The following INPP5A variants were observed in gnomAD, a reference collection of about 807,000 sequenced individuals.
INPP5A encodes 43 kDa inositol polyphosphate 5-phophatase.
In INPP5A, 14 loss-of-function variants were observed where a neutral mutation model predicts 65.2. The observed-to-expected ratio is 0.21, with a 90% CI of 0.14 to 0.34. INPP5A has a LOEUF of 0.34. INPP5A is among the 10% of genes least tolerant of loss of function. The probability of loss-of-function intolerance (pLI) is 1.00; values close to 1 mark genes in which losing one functional copy is unlikely to be tolerated. For synonymous variants in INPP5A, 207 were observed against 208.3 expected (o/e 0.99, Z 0.05); for missense variants, 431 against 545.6 (o/e 0.79, Z 2.09).
rs10781584 is a variant in INPP5A, at chr10:132,676,985, G to A, written c.307-13407G>A. 0.14 allele frequency among the ~76,000 whole-genome samples: 6,555 copies of A among 46,770 alleles called. 431 individuals are homozygous for A. The highest frequency in any genetic ancestry group is 0.18 in the African/African-American group (2,208 of 12,140). The allele number at this position is 46,770 out of a possible 152,430, so 30.7% of individuals were successfully genotyped here. On this transcript the variant is annotated intron_variant, in intron 4 of 15. Transcript: ENST00000368594. The surrounding 1 kb of genome is among the most constrained non-coding windows in gnomAD (Gnocchi z 4.0). ...AGGTATTCACATGGTGACCCCCACC[G>A]TCACCCAGGCACCTGTCCTGAACTG...
chr10:132,764,428 C>T (rs1349737702), intron 11 of INPP5A, among the ~76,000 whole-genome samples: 3 of 150,812 alleles, frequency 2.0e-5, no homozygotes, highest in Non-Finnish European at 4.4e-5. Flanking sequence ...TCGGGTCAGT[C>T]CTGCTGCGGT....
At chr10:132,750,001 C>T (rs1377547355) in intron 11 of INPP5A, among the ~76,000 whole-genome samples, 156 bp downstream of exon 11, 2 of 152,200 alleles carry the variant, frequency 1.3e-5, no homozygotes, top group Non-Finnish European at 2.9e-5. Flanking sequence ...GCTGGGGACA[C>T]ATATTGGGTG....
chr10:132,697,259 G>A lies in INPP5A; in HGVS notation c.371-557G>A, dbSNP rs1032401412. ...GCCTGGTTGTGAACAATAGTGAGACGGGCCCTGCCCATGGCGAGGCCTGTG... is the reference window on the plus strand; with the variant it reads ...GCCTGGTTGTGAACAATAGTGAGACAGGCCCTGCCCATGGCGAGGCCTGTG... On this transcript the variant is annotated intron_variant, in intron 5 of 15. Coordinates refer to ENST00000368594, the MANE Select transcript of INPP5A (RefSeq NM_005539.5). The surrounding 1 kb of genome is among the most constrained non-coding windows in gnomAD (Gnocchi z 5.6). Among the ~76,000 whole-genome samples, 2 of 152,248 alleles carry A rather than the reference G, an allele frequency of 1.3e-5. No individual in the cohort carries two copies. Among genetic ancestry groups the A allele is most frequent in the South Asian group, 2.1e-4 (1 of 4,834 alleles).
Position 132,698,238 on chromosome 10 carries a change from G to A in INPP5A, c.474+319G>A, listed in dbSNP as rs61862807. Reference sequence around the variant, plus strand: ...GGCGTGCACCTGGGGTCTCCCGCACGCCCAGCTGGGAGAGGGTCAGGCTGA... The same window carrying A: ...GGCGTGCACCTGGGGTCTCCCGCACACCCAGCTGGGAGAGGGTCAGGCTGA... On this transcript the variant is annotated intron_variant, in intron 6 of 15. Transcript: ENST00000368594. The surrounding 1 kb of genome is among the most constrained non-coding windows in gnomAD (Gnocchi z 5.5). Among the ~76,000 whole-genome samples, 11,088 of 152,310 alleles carry A rather than the reference G, an allele frequency of 0.073. 541 individuals carry two copies. Among genetic ancestry groups the A allele is most frequent in the Non-Finnish European group, 0.11 (7,637 of 68,020 alleles).
intron 11 of INPP5A, among the ~76,000 whole-genome samples, chr10:132,757,539 T>C (rs1846647264): frequency 6.6e-6 from 1 of 152,248 alleles, no homozygotes; most frequent in Admixed American, 6.5e-5. Flanking sequence ...CGCGCTGTGA[T>C]GTCCCACAGC....
chr10:132,712,488 CTATT>C (rs763113295), intron 8 of INPP5A, among the ~76,000 whole-genome samples: 7 of 142,640 alleles, frequency 4.9e-5, no homozygotes, highest in Non-Finnish European at 7.6e-5. Flanking sequence ...GGGTACATGT[CTATT>C]TGGGTGTGTG....
intron 6 of INPP5A, among the ~76,000 whole-genome samples, chr10:132,700,330 CG>C (rs1189376089): frequency 6.6e-6 from 1 of 152,160 alleles, no homozygotes; most frequent in Non-Finnish European, 1.5e-5. Context: ...GTGGCTGGGA[CG>C]GGGGGCCAGC....
intron 5 of INPP5A, among the ~76,000 whole-genome samples, chr10:132,692,910 C>T (rs74894745): frequency 0.015 from 2,247 of 152,220 alleles, 33 homozygotes; most frequent in South Asian, 0.038. Context: ...ATTTTTCTTA[C>T]CCTTAATTGG....
intron 2 of INPP5A, among the ~76,000 whole-genome samples, chr10:132,609,527 T>C (rs1042778584): frequency 6.6e-6 from 1 of 152,234 alleles, no homozygotes; most frequent in Non-Finnish European, 1.5e-5. Context: ...ACTGAATGTT[T>C]AGGTGTGTGT....
chr10:132,730,963 A>C (rs1846073912), intron 9 of INPP5A, among the ~76,000 whole-genome samples: 1 of 152,196 alleles, frequency 6.6e-6, no homozygotes, highest in South Asian at 2.1e-4. Context: ...GGTGACTTTC[A>C]ACCAGTGCAG....
At chr10:132,560,095 G>C (rs1222401341) in intron 1 of INPP5A, among the ~76,000 whole-genome samples, 1 of 148,084 alleles carries the variant, frequency 6.8e-6, no homozygotes, top group Non-Finnish European at 1.5e-5. Context: ...GCTGGGTCAC[G>C]ATGTGTCTTC....
In INPP5A at chr10:132,635,112, G is replaced by A. The variant is rs556057672; in HGVS notation, c.118-10756G>A. On this transcript the variant is annotated intron_variant, in intron 2 of 15. Transcript: ENST00000368594. Reference sequence around the variant, plus strand: ...ATGGCGCATATTTGAAATGTGATTCGTGCTGTCAAAGAACTCAGTTTTTAA... The same window carrying A: ...ATGGCGCATATTTGAAATGTGATTCATGCTGTCAAAGAACTCAGTTTTTAA... Among the ~76,000 whole-genome samples, 16 of 152,286 alleles carry A rather than the reference G, an allele frequency of 1.1e-4. 1 individual carries two copies. The highest frequency in any genetic ancestry group is 3.6e-4 in the African/African-American group (15 of 41,560).
chr10:132,734,725 C>A (rs867202296), intron 9 of INPP5A, among the ~76,000 whole-genome samples: 2 of 152,266 alleles, frequency 1.3e-5, no homozygotes, highest in Admixed American at 6.5e-5. Context: ...CTGCCTCCCC[C>A]ACCTCTCTTC....
intron 8 of INPP5A, among the ~76,000 whole-genome samples, chr10:132,720,224 T>G (rs1845841060): frequency 6.6e-6 from 1 of 151,098 alleles, no homozygotes. Flanking sequence ...CTGGGTTCTG[T>G]CTGGGCACCT....
At chr10:132,716,790 A>G (rs1244096138) in intron 8 of INPP5A, among the ~76,000 whole-genome samples, 2 of 152,172 alleles carry the variant, frequency 1.3e-5, no homozygotes, top group African/African-American at 4.8e-5. Flanking sequence ...GAGTGAGAAA[A>G]ACAAAAGTAA....
At chr10:132,615,163 C>T (rs373138570) in intron 2 of INPP5A, among the ~76,000 whole-genome samples, 3 of 152,216 alleles carry the variant, frequency 2.0e-5, no homozygotes, top group East Asian at 3.9e-4. Context: ...CCTCTGTCCC[C>T]ACAGTGGCCC....
intron 2 of INPP5A, among the ~76,000 whole-genome samples, chr10:132,626,696 A>T (rs1404018008): frequency 6.6e-6 from 1 of 152,184 alleles, no homozygotes; most frequent in Non-Finnish European, 1.5e-5. Flanking sequence ...TAGATTCTTT[A>T]CAGACAGATT....
intron 4 of INPP5A, among the ~76,000 whole-genome samples, chr10:132,680,998 C>T (rs1018070816): frequency 4.6e-5 from 7 of 152,252 alleles, no homozygotes; most frequent in East Asian, 1.9e-4. Flanking sequence ...TGCTCCAGGG[C>T]GCCCAGTCCC....
chr10:132,681,856 G>T (rs948490659), intron 4 of INPP5A, among the ~76,000 whole-genome samples: 1 of 152,172 alleles, frequency 6.6e-6, no homozygotes, highest in Non-Finnish European at 1.5e-5. Flanking sequence ...TGACCCAACC[G>T]TAAAAAGGAA....
Sources: allele counts gnomAD v4.1 joint callset (sites outside exome capture counted in the v4.1 genomes callset), GRCh38; gene constraint gnomAD v4.1.1; non-coding constraint Gnocchi (gnomAD v3.1); transcripts MANE v1.5; gene names NCBI Gene and HGNC (gene_info 2026-07-23, HGNC 2026-07-21).